The following CXCL10 variants were observed in gnomAD, a reference collection of about 807,000 sequenced individuals.
CXCL10 encodes the protein C-X-C motif chemokine 10.
CXCL10 carries 6 observed loss-of-function variants against 10.8 expected under a neutral mutation model. The observed-to-expected ratio is 0.55, with a 90% CI of 0.30 to 1.09. CXCL10 has a LOEUF of 1.09. Among genes scored for constraint, CXCL10 ranks in the 50% least tolerant of loss-of-function variants. The pLI is 0.06. For missense variants in CXCL10, 114 were observed against 114.3 expected, an observed-to-expected ratio of 1.00 and a Z score of 0.01; for synonymous variants, 35 against 35.8, an observed-to-expected ratio of 0.98 and a Z score of 0.08.
At position 76,021,702 on chromosome 4, in the gene CXCL10, A is replaced by AT; in HGVS notation, c.*227_*228insA. On this transcript the variant is annotated 3_prime_UTR_variant, in exon 4 of 4. Transcript: ENST00000306602. ...AGCACCTCAGTAGAGCTTACATTAT[A>AT]GTGCCAGGGTAGAGTTATTACTGAA... The AT allele has an allele frequency of 7.3e-6, 4 of 550,804 alleles. No individual in the cohort carries two copies. The highest frequency in any genetic ancestry group is 1.3e-5 in the Non-Finnish European group (4 of 305,994). The allele number at this position is 550,804 out of a possible 1,614,324, so 34.1% of individuals were successfully genotyped here.
Position 76,022,829 on chromosome 4 carries a change from G to C in CXCL10, c.62-12C>G. 1.2e-6 allele frequency: 2 copies of C among 1,604,936 alleles called. No homozygotes were observed. The highest frequency in any genetic ancestry group is 2.7e-5 in the African/African-American group (2 of 75,014). ...AGAGAGAGGTACTCCTGTAGGAAAA[G>C]AGGAACAGCAGAGAAGGTTAGCACA... On this transcript the variant is annotated splice_polypyrimidine_tract_variant and intron_variant, in intron 1 of 3. Transcript: ENST00000306602.
At chr4:76,022,244 G>A in intron 3 of CXCL10, 122 bp downstream of exon 3, 1 of 785,578 alleles carries the variant, frequency 1.3e-6, no homozygotes, top group South Asian at 1.5e-5. Flanking sequence ...GGTAGGGGAG[G>A]GCGTGGTGGT....
rs143493954 is a variant in CXCL10 at position 76,023,379 on chromosome 4, C to A, written c.53G>T (p.Gly18Val). ...CCTTTGATGTTCCTTACCTTGAATGCCACTTAGAGTCAGAAAGATAAGGCA... is the reference window on the plus strand; with the variant it reads ...CCTTTGATGTTCCTTACCTTGAATGACACTTAGAGTCAGAAAGATAAGGCA... ...ICCLIFLTLS[G>V]IQGVPLSRTV... The change falls in exon 1 of 4, where the codon GGC (glycine) becomes GTC (valine). Residue 18 changes from glycine to valine, a missense_variant. Transcript: ENST00000306602. 4 of 1,612,864 alleles carry A rather than the reference C, an allele frequency of 2.5e-6. No homozygotes were observed. In the East Asian group the frequency reaches 8.9e-5, roughly 36 times the overall value.
intron 1 of CXCL10, 148 bp from the exon 2 acceptor site, chr4:76,022,965 A>G (rs1338647881): frequency 1.3e-6 from 1 of 770,986 alleles, no homozygotes; most frequent in Non-Finnish European, 2.1e-6. Context: ...TCATAACACA[A>G]CTGTAAATGA....
At position 76,023,419 on chromosome 4, in the gene CXCL10, C is replaced by T. The variant is rs771253146; in HGVS notation, c.13G>A (p.Ala5Thr). 1 of 1,613,910 alleles carries T rather than the reference C, an allele frequency of 6.2e-7. No individual in the cohort carries two copies. The highest frequency in any genetic ancestry group is 8.5e-7 in the Non-Finnish European group (1 of 1,179,850). ...AAGATAAGGCAGCAAATCAGAATGG[C>T]AGTTTGATTCATGGTGCTGAGACTG... MNQT[A>T]ILICCLIFLT... Residue 5 changes from alanine to threonine, a missense_variant, in exon 1 of 4, where the codon GCC becomes ACC. Ala to Thr is a moderately conservative substitution (Grantham distance 58, BLOSUM62 0). Transcript: ENST00000306602.
chr4:76,022,510 A>G (rs1469942083), intron 2 of CXCL10, 55 bp from the exon 3 acceptor site: 32 of 1,550,212 alleles, frequency 2.1e-5, no homozygotes, highest in Non-Finnish European at 2.7e-5. Flanking sequence ...TCAATAAAAC[A>G]GATGGCATAC....
In CXCL10 at chr4:76,023,383, T is replaced by G. The variant is rs755160508; in HGVS notation, c.49A>C (p.Ser17Arg). Residue 17 changes from serine (S) to arginine (R), a missense_variant, in exon 1 of 4, where the codon AGT (serine) becomes CGT (arginine). Coordinates refer to ENST00000306602, the MANE Select transcript of CXCL10 (RefSeq NM_001565.4). ...LICCLIFLTLSGIQGVPLSRT... is the reference protein window; with the variant it reads ...LICCLIFLTLRGIQGVPLSRT... Reference sequence around the variant, plus strand: ...TGATGTTCCTTACCTTGAATGCCACTTAGAGTCAGAAAGATAAGGCAGCAA... The same window carrying G: ...TGATGTTCCTTACCTTGAATGCCACGTAGAGTCAGAAAGATAAGGCAGCAA... 6.2e-7 allele frequency: 1 copy of G among 1,613,368 alleles called. No individual in the cohort carries two copies. Among genetic ancestry groups the G allele is most frequent in the African/African-American group, 1.3e-5 (1 of 74,918 alleles).
chr4:76,023,475 T>C lies in CXCL10; in HGVS notation c.-44A>G, dbSNP rs1464858060. ...TCCTCTGCTGTAGGCTCAGAATATG[T>C]CTAAGCAATTGAGGAATGTCTCAGA... On this transcript the variant is annotated 5_prime_UTR_variant, in exon 1 of 4. Coordinates refer to ENST00000306602, the MANE Select transcript of CXCL10 (RefSeq NM_001565.4). 6.5e-7 allele frequency: 1 copy of C among 1,548,296 alleles called. No individual in the cohort carries two copies. The highest frequency in any genetic ancestry group is 1.4e-5 in the African/African-American group (1 of 73,600).
At position 76,023,449 on chromosome 4, in the gene CXCL10, T is replaced by C; in HGVS notation, c.-18A>G. On this transcript the variant is annotated 5_prime_UTR_variant, in exon 1 of 4. Transcript: ENST00000306602. The stretch of plus-strand genomic sequence containing the variant: ...TGATTCATGGTGCTGAGACTGGAGG[T>C]TCCTCTGCTGTAGGCTCAGAATATG... 1 of 1,611,162 alleles carries C rather than the reference T, an allele frequency of 6.2e-7. No individual in the cohort carries two copies. Among genetic ancestry groups the C allele is most frequent in the South Asian group, 1.1e-5 (1 of 91,000 alleles).
intron 1 of CXCL10, 118 bp from the exon 2 acceptor site, chr4:76,022,935 C>A: frequency 9.9e-7 from 1 of 1,008,044 alleles, no homozygotes; most frequent in Non-Finnish European, 1.5e-6. Flanking sequence ...GTCACTTAAT[C>A]TGAGGAGGAA....
At position 76,022,288 on chromosome 4, in the gene CXCL10, C is replaced by A. The variant is rs1732914099; in HGVS notation, c.278+78G>T. 48 of 1,203,372 alleles carry A rather than the reference C, an allele frequency of 4.0e-5. 1 individual carries two copies. In the South Asian group the frequency reaches 5.7e-4, roughly 14 times the overall value. The allele number at this position is 1,203,372 out of a possible 1,614,324, so 74.5% of individuals were successfully genotyped here. Reference sequence around the variant, plus strand: ...TTTAAACCAGCGATTGCACAGCAAACCACAATGCAAGTATTTCTGACTCCC... The same window carrying A: ...TTTAAACCAGCGATTGCACAGCAAAACACAATGCAAGTATTTCTGACTCCC... On this transcript the variant is annotated intron_variant, in intron 3 of 3. Transcript: ENST00000306602.
In CXCL10 at chr4:76,021,765, T is replaced by A; in HGVS notation, c.*165A>T. 1 of 706,524 alleles carries A rather than the reference T, an allele frequency of 1.4e-6. No homozygotes were observed. 43.8% of individuals were successfully genotyped at this position (706,524 alleles called of 1,614,324 possible). A position where few individuals can be genotyped will look rare whatever the true frequency, so the allele number is the denominator to read the frequency against. ...ATGAACATTAACCTTCCTACAGGAGTAGTAGCAGCTGATTTGGTGACCATC... is the reference window on the plus strand; with the variant it reads ...ATGAACATTAACCTTCCTACAGGAGAAGTAGCAGCTGATTTGGTGACCATC... On this transcript the variant is annotated 3_prime_UTR_variant, in exon 4 of 4. Transcript: ENST00000306602.
chr4:76,022,276 T>G (rs1270208533), intron 3 of CXCL10, 90 bp downstream of exon 3: 2 of 1,066,814 alleles, frequency 1.9e-6, no homozygotes, highest in Non-Finnish European at 2.9e-6. Flanking sequence ...AAACCAGCGA[T>G]TGCACAGCAA....
chr4:76,021,982 T>C, intron 3 of CXCL10, 34 bp from the exon 4 acceptor site: 1 of 1,588,676 alleles, frequency 6.3e-7, no homozygotes, highest in African/African-American at 1.3e-5. Flanking sequence ...AAAAGTGTGA[T>C]AGTCTGACTC....
chr4:76,021,265 T>G lies in CXCL10; in HGVS notation c.*665A>C, dbSNP rs1206875517. On this transcript the variant is annotated 3_prime_UTR_variant, in exon 4 of 4. Transcript: ENST00000306602. ...ATGCAGAGCATATATCTATCTGTAT[T>G]TTTAAAATTTTCCTGTTACTCATTG... 6.6e-6 allele frequency: 1 copy of G among 152,278 alleles called. No homozygotes were observed. Among genetic ancestry groups the G allele is most frequent in the African/African-American group, 2.4e-5 (1 of 41,474 alleles). 9.4% of individuals were successfully genotyped at this position (152,278 alleles called of 1,614,324 possible). A position where few individuals can be genotyped will look rare whatever the true frequency, so the allele number is the denominator to read the frequency against.
intron 1 of CXCL10, 47 bp downstream of exon 1, chr4:76,023,324 T>C (rs769473524): frequency 5.0e-6 from 7 of 1,407,168 alleles, no homozygotes; most frequent in Non-Finnish European, 7.1e-6. Context: ...TTTATACCTA[T>C]TCCTATTTCT....
In CXCL10 at chr4:76,021,685, A is replaced by T; in HGVS notation, c.*245T>A. 1 of 524,464 alleles carries T rather than the reference A, an allele frequency of 1.9e-6. No individual in the cohort carries two copies. The highest frequency in any genetic ancestry group is 3.0e-5 in the East Asian group (1 of 32,986). The allele number at this position is 524,464 out of a possible 1,614,324, so 32.5% of individuals were successfully genotyped here. Reference sequence around the variant, plus strand: ...ACATCCACTAAGAACATAGCACCTCAGTAGAGCTTACATTATAGTGCCAGG... The same window carrying T: ...ACATCCACTAAGAACATAGCACCTCTGTAGAGCTTACATTATAGTGCCAGG... On this transcript the variant is annotated 3_prime_UTR_variant, in exon 4 of 4. Transcript: ENST00000306602.
At chr4:76,022,966 CT>C in intron 1 of CXCL10, 149 bp from the exon 2 acceptor site, 2 of 771,980 alleles carry the variant, frequency 2.6e-6, no homozygotes, top group Non-Finnish European at 4.1e-6. Context: ...CATAACACAA[CT>C]GTAAATGATT....
rs36204603 is a variant in CXCL10 at position 76,023,225 on chromosome 4, A to G, written c.61+146T>C. On this transcript the variant is annotated intron_variant, in intron 1 of 3. Transcript: ENST00000306602. ...TCTCACTTCAATTCATATAAGTTTT[A>G]TGATCTGAGGGAATCTCTATTTATT... 6.8e-4 allele frequency: 448 copies of G among 657,588 alleles called. 2 individuals are homozygous for G. The African/African-American group carries it at 7.4e-3, about 11-fold the overall frequency. 40.7% of individuals were successfully genotyped at this position (657,588 alleles called of 1,614,324 possible).
Sources: gnomAD v4.1 joint callset for allele counts on GRCh38, gnomAD v4.1.1 for gene constraint, MANE v1.5 for transcripts, NCBI Gene and HGNC (gene_info 2026-07-23, HGNC 2026-07-21) for gene names.